The following DPF3 variants were observed in gnomAD, a reference collection of about 807,000 sequenced individuals.
DPF3 encodes the protein zinc finger protein DPF3.
Under a neutral mutation model 56.8 loss-of-function variants are expected in DPF3, and 18 were observed. The observed-to-expected ratio is 0.32, with a 90% CI of 0.22 to 0.47. The LOEUF (loss-of-function observed/expected upper bound fraction) is 0.47, where lower values mean the gene tolerates loss of function less well. Ranked by LOEUF, DPF3 falls within the 20% of genes least tolerant of loss-of-function variation. DPF3 has a pLI of 1.00. For missense variants in DPF3, 403 were observed against 488.8 expected, an observed-to-expected ratio of 0.82 and a Z score of 1.65; for synonymous variants, 188 against 180.2, an observed-to-expected ratio of 1.04 and a Z score of -0.35.
intron 2 of DPF3, among the ~76,000 whole-genome samples, chr14:72,764,819 A>G (rs1891210099): frequency 6.6e-6 from 1 of 152,184 alleles, no homozygotes; most frequent in Non-Finnish European, 1.5e-5. Context: ...CAAATGATCA[A>G]ACATGAGGGG....
At chr14:72,747,102 C>CACA (rs755272013) in intron 3 of DPF3, among the ~76,000 whole-genome samples, 2 of 152,244 alleles carry the variant, frequency 1.3e-5, no homozygotes, top group African/African-American at 2.4e-5. Flanking sequence ...ACATGAGCAG[C>CACA]ACAACAAATT....
chr14:72,612,316 G>A lies in DPF3; in HGVS notation c.*6981C>T, dbSNP rs900677009. On this transcript the variant is annotated 3_prime_UTR_variant, in exon 11 of 11. Transcript: ENST00000556509. ...CCAGACGCATTGGTGAGCCAGGGAC[G>A]CCCTGCCTACCTACCCCGCCTCTCT... Among the ~76,000 whole-genome samples, 3 of 151,912 alleles carry A rather than the reference G, an allele frequency of 2.0e-5. No homozygotes were observed. The highest frequency in any genetic ancestry group is 1.3e-4 in the Admixed American group (2 of 15,264).
chr14:72,684,296 C>T (rs965990587), intron 7 of DPF3, among the ~76,000 whole-genome samples: 8 of 152,196 alleles, frequency 5.3e-5, no homozygotes, highest in African/African-American at 1.4e-4. Flanking sequence ...ATCTGCTCAG[C>T]TCAGCCTCCC....
At chr14:72,755,157 C>T (rs1343354979) in intron 2 of DPF3, among the ~76,000 whole-genome samples, 1 of 152,196 alleles carries the variant, frequency 6.6e-6, no homozygotes, top group Non-Finnish European at 1.5e-5. Flanking sequence ...CTTTACGGTG[C>T]TTCCAACCTA....
chr14:72,661,304 C>A (rs1206148358), intron 8 of DPF3: 10 of 985,288 alleles, frequency 1.0e-5, no homozygotes, highest in Non-Finnish European at 1.2e-5. Context: ...GAACAGGAAA[C>A]CTGAAAGGAC....
chr14:72,759,925 T>C (rs1304152567), intron 2 of DPF3, among the ~76,000 whole-genome samples: 3 of 152,060 alleles, frequency 2.0e-5, no homozygotes, highest in Non-Finnish European at 1.5e-5. Context: ...AGCTAAAATA[T>C]CTTTCAAGAA....
intron 8 of DPF3, among the ~76,000 whole-genome samples, chr14:72,635,450 T>C (rs1885357247): frequency 6.6e-6 from 1 of 152,222 alleles, no homozygotes; most frequent in South Asian, 2.1e-4. Flanking sequence ...ATGGGATTTG[T>C]GGTATTTGAG....
intron 4 of DPF3, 72 bp downstream of exon 4, chr14:72,731,734 GC>G (rs1194859381): frequency 2.5e-6 from 4 of 1,588,676 alleles, no homozygotes; most frequent in Non-Finnish European, 3.4e-6. Context: ...CTGGAGCCAA[GC>G]CGGTGCTGGA....
At chr14:72,815,625 C>G (rs1883250749) in intron 1 of DPF3, among the ~76,000 whole-genome samples, 1 of 152,278 alleles carries the variant, frequency 6.6e-6, no homozygotes, top group African/African-American at 2.4e-5. Flanking sequence ...TGCAGCCACA[C>G]AGTGGAACGC....
At chr14:72,655,844 T>C (rs938501416) in intron 8 of DPF3, among the ~76,000 whole-genome samples, 1 of 152,222 alleles carries the variant, frequency 6.6e-6, no homozygotes, top group African/African-American at 2.4e-5. Context: ...GTCATCTAGC[T>C]ATAATGTAAA....
chr14:72,887,589 C>G (rs1225770638), intron 1 of DPF3, among the ~76,000 whole-genome samples: 1 of 152,244 alleles, frequency 6.6e-6, no homozygotes, highest in African/African-American at 2.4e-5. Flanking sequence ...GCTGTCCTCT[C>G]TGTCCTAATC....
At chr14:72,690,429 C>T (rs1033643984) in intron 7 of DPF3, among the ~76,000 whole-genome samples, 3 of 152,144 alleles carry the variant, frequency 2.0e-5, no homozygotes, top group East Asian at 3.9e-4. Context: ...AGCACATGGA[C>T]GGACACATAT....
At chr14:72,801,276 T>C (rs1306334623) in intron 1 of DPF3, among the ~76,000 whole-genome samples, 1 of 152,186 alleles carries the variant, frequency 6.6e-6, no homozygotes, top group Non-Finnish European at 1.5e-5. Context: ...AATGTATCCG[T>C]GAGGCTCTGG....
chr14:72,629,575 C>T, intron 9 of DPF3, 49 bp downstream of exon 9: 3 of 1,495,300 alleles, frequency 2.0e-6, no homozygotes, highest in Non-Finnish European at 1.8e-6. Context: ...CCTCAAAGGA[C>T]CCCAGCTCTG....
intron 1 of DPF3, among the ~76,000 whole-genome samples, chr14:72,825,145 C>T (rs1218960697): frequency 2.6e-5 from 4 of 152,254 alleles, no homozygotes; most frequent in Admixed American, 6.5e-5. Context: ...GTCTCAGCCT[C>T]CCAAAGTTCT....
At chr14:72,764,062 T>C (rs916087407) in intron 2 of DPF3, among the ~76,000 whole-genome samples, 1 of 152,202 alleles carries the variant, frequency 6.6e-6, no homozygotes, top group African/African-American at 2.4e-5. Context: ...TCTTTTTATA[T>C]GCTAATGAGA....
chr14:72,674,155 T>G, intron 8 of DPF3, 85 bp downstream of exon 8: 5 of 1,478,472 alleles, frequency 3.4e-6, no homozygotes, highest in Non-Finnish European at 4.5e-6. Context: ...CCCTCTCCAG[T>G]CTCCAGCACC....
intron 3 of DPF3, among the ~76,000 whole-genome samples, chr14:72,749,629 C>T (rs574649664): frequency 2.6e-5 from 4 of 152,308 alleles, no homozygotes; most frequent in African/African-American, 4.8e-5. Flanking sequence ...CTAATTCCCA[C>T]GTTGTGGGAA....
chr14:72,713,379 A>G (rs1295958111), intron 6 of DPF3, among the ~76,000 whole-genome samples: 1 of 152,200 alleles, frequency 6.6e-6, no homozygotes, highest in Admixed American at 6.5e-5. Flanking sequence ...GGGAGACAAA[A>G]GACACCACCC....
Sources: allele counts gnomAD v4.1 joint callset (sites outside exome capture counted in the v4.1 genomes callset), GRCh38; gene constraint gnomAD v4.1.1; transcripts MANE v1.5; gene names NCBI Gene and HGNC (gene_info 2026-07-23, HGNC 2026-07-21).